TDP2: variants seen among roughly 807,000 people sequenced by gnomAD.
TDP2 encodes the protein 5'-Tyr-DNA phosphodiesterase.
In TDP2, 38 loss-of-function variants were observed where a neutral mutation model predicts 42.8. That is an observed-to-expected ratio of 0.89 (90% CI 0.68 to 1.16). TDP2 has a LOEUF of 1.16. Ranked by LOEUF, TDP2 falls within the 50% of genes most tolerant of loss-of-function variation. The pLI is 0.00. For synonymous variants in TDP2, 173 were observed against 150.6 expected (o/e 1.15, Z -1.09); for missense variants, 439 against 439.3 (o/e 1.00, Z 0.01).
chr6:24,654,287 C>T (rs1477774577), intron 5 of TDP2, 125 bp downstream of exon 5: 3 of 510,182 alleles, frequency 5.9e-6, no homozygotes, highest in African/African-American at 2.0e-5. Flanking sequence ...TAAAGACTAT[C>T]TAAAAGAATC....
chr6:24,652,560 C>T (rs17249771), intron 6 of TDP2, among the ~76,000 whole-genome samples: 3,810 of 150,812 alleles, frequency 0.025, 101 homozygotes, highest in African/African-American at 0.065. Flanking sequence ...TAATAAAAGC[C>T]AAAAAAGAAA....
At position 24,650,687 on chromosome 6, in the gene TDP2, A is replaced by G; in HGVS notation, c.*101T>C. 8.5e-7 allele frequency: 1 copy of G among 1,172,054 alleles called. No homozygotes were observed. Among genetic ancestry groups the G allele is most frequent in the Non-Finnish European group, 1.2e-6 (1 of 832,146 alleles). The allele number at this position is 1,172,054 out of a possible 1,614,324, so 72.6% of individuals were successfully genotyped here. A position where few individuals can be genotyped will look rare whatever the true frequency, so the allele number is the denominator to read the frequency against. ...AAATCATAGTTGGTTTTTCTGTGAC[A>G]ATGATCTAGTACATTATTTCCTCCA... On this transcript the variant is annotated 3_prime_UTR_variant, in exon 7 of 7. Transcript: ENST00000378198.
intron 6 of TDP2, among the ~76,000 whole-genome samples, chr6:24,651,771 G>C (rs9358786): frequency 0.045 from 6,899 of 152,202 alleles, 998 homozygotes; most frequent in East Asian, 0.45. Context: ...ATTTTTAGTA[G>C]AGATGGGGTT....
intron 2 of TDP2, among the ~76,000 whole-genome samples, chr6:24,662,453 TAA>T (rs17249890): frequency 0.019 from 2,963 of 152,190 alleles, 88 homozygotes; most frequent in African/African-American, 0.063. Context: ...GATGTTTGTG[TAA>T]AGTCAAACAT....
chr6:24,662,582 A>G (rs1306877667), intron 2 of TDP2, among the ~76,000 whole-genome samples: 2 of 149,622 alleles, frequency 1.3e-5, no homozygotes, highest in Non-Finnish European at 2.9e-5. Context: ...GTCCTGTCGC[A>G]TCCCCCTCAC....
In TDP2 at chr6:24,651,000, A is replaced by T; in HGVS notation, c.877T>A (p.Cys293Ser). 1 of 1,614,070 alleles carries T rather than the reference A, an allele frequency of 6.2e-7. No individual in the cohort carries two copies. The highest frequency in any genetic ancestry group is 8.5e-7 in the Non-Finnish European group (1 of 1,179,970). Residue 293 changes from cysteine (C) to serine (S), a missense_variant, in exon 7 of 7, where the codon TGC becomes AGC. Physicochemically the swap from Cys to Ser is moderately radical, Grantham distance 112. Transcript: ENST00000378198. ...ATTTGTGTATCCCATGTATACTGGC[A>T]ATGTTTAGGTTTGCCCAAAAACTCC... ...VWEFLGKPKH[C>S]QYTWDTQMNS...
At chr6:24,663,701 G>C (rs901040345) in intron 2 of TDP2, among the ~76,000 whole-genome samples, 2 of 152,136 alleles carry the variant, frequency 1.3e-5, no homozygotes, top group Non-Finnish European at 2.9e-5. Flanking sequence ...GTGATACCTG[G>C]GCTCCCCTTT....
Position 24,666,835 on chromosome 6 carries a change from C to G in TDP2, c.28G>C (p.Gly10Arg). The change falls in exon 1 of 7, where the codon GGG (glycine) becomes CGG (arginine). Residue 10 changes from glycine (G) to arginine (R), a missense_variant. Gly to Arg is a moderately radical substitution (Grantham distance 125, BLOSUM62 -2). Transcript: ENST00000378198. ...CCCTCTTCCTCCGCCGCCTCCCTCC[C>G]GCCCTCCAGGCAACTCCCCAACTCC... MELGSCLEG[G>R]REAAEEEGEP... 1.9e-6 allele frequency: 3 copies of G among 1,614,130 alleles called. No individual in the cohort carries two copies. Among genetic ancestry groups the G allele is most frequent in the Non-Finnish European group, 2.5e-6 (3 of 1,180,042 alleles).
At chr6:24,651,213 G>GT in intron 6 of TDP2, 144 bp from the exon 7 acceptor site, 3 of 685,790 alleles carry the variant, frequency 4.4e-6, no homozygotes, top group Non-Finnish European at 4.8e-6. Flanking sequence ...ATTATAAAAA[G>GT]TACTATGCTG....
At chr6:24,666,322 A>G in intron 2 of TDP2, 6 of 1,521,868 alleles carry the variant, frequency 3.9e-6, no homozygotes, top group Non-Finnish European at 5.3e-6. Context: ...GTTCGAAGCG[A>G]CAGTCTGGTG....
chr6:24,660,579 T>C (rs1010182027), intron 2 of TDP2, among the ~76,000 whole-genome samples: 16 of 152,242 alleles, frequency 1.1e-4, no homozygotes, highest in African/African-American at 3.9e-4. Context: ...GGTTATGTGG[T>C]GCATAACAGT....
chr6:24,664,514 G>A (rs183606831), intron 2 of TDP2, among the ~76,000 whole-genome samples: 79 of 152,118 alleles, frequency 5.2e-4, no homozygotes, highest in Admixed American at 3.5e-3. Flanking sequence ...TTCTAATGTA[G>A]GGGACTAAAT....
At chr6:24,653,209 T>G (rs1318197615) in intron 5 of TDP2, 56 bp from the exon 6 acceptor site, 1 of 1,546,604 alleles carries the variant, frequency 6.5e-7, no homozygotes, top group East Asian at 2.3e-5. Context: ...TACTGAACTT[T>G]AATAATAAAA....
At chr6:24,651,183 A>G in intron 6 of TDP2, 114 bp from the exon 7 acceptor site, 1 of 767,446 alleles carries the variant, frequency 1.3e-6, no homozygotes, top group Non-Finnish European at 2.1e-6. Context: ...TTAATGCAGA[A>G]ATGCAAAACA....
chr6:24,660,549 TTTG>T (rs1169045390), intron 2 of TDP2, among the ~76,000 whole-genome samples: 1 of 152,254 alleles, frequency 6.6e-6, no homozygotes, highest in African/African-American at 2.4e-5. Flanking sequence ...ATTTATGCAG[TTTG>T]TTGTCAATAG....
intron 2 of TDP2, among the ~76,000 whole-genome samples, chr6:24,664,429 A>T (rs993246393): frequency 3.3e-5 from 5 of 151,874 alleles, no homozygotes; most frequent in African/African-American, 1.2e-4. Flanking sequence ...AGATAATTCC[A>T]ATATGCAGCT....
intron 2 of TDP2, 30 bp downstream of exon 2, chr6:24,666,496 G>A (rs1778240937): frequency 1.9e-6 from 3 of 1,606,982 alleles, no homozygotes; most frequent in Non-Finnish European, 1.7e-6. Context: ...GCCTCCGTGC[G>A]GACTGGCTCC....
intron 4 of TDP2, among the ~76,000 whole-genome samples, chr6:24,657,476 T>C (rs1273777164): frequency 1.3e-5 from 2 of 148,578 alleles, no homozygotes; most frequent in Non-Finnish European, 3.0e-5. Context: ...TAAGGAATTA[T>C]AAAATAAAGA....
intron 6 of TDP2, among the ~76,000 whole-genome samples, chr6:24,652,169 A>C (rs2127616837): frequency 6.6e-6 from 1 of 152,310 alleles, no homozygotes; most frequent in South Asian, 2.1e-4. Flanking sequence ...AATGTCTTTA[A>C]GATTCGCCCA....
Sources: gnomAD v4.1 joint callset for allele counts (sites outside exome capture counted in the v4.1 genomes callset) on GRCh38, gnomAD v4.1.1 for gene constraint, MANE v1.5 for transcripts, NCBI Gene and HGNC (gene_info 2026-07-23, HGNC 2026-07-21) for gene names.